Variants in GRK5 observed in about 807,000 individuals in gnomAD.
The protein encoded by GRK5 is g protein-coupled receptor kinase GRK5.
A neutral mutation model predicts 78.4 loss-of-function variants in GRK5; 40 were observed. The observed-to-expected ratio is 0.51, with a 90% CI of 0.40 to 0.66. GRK5 has a LOEUF of 0.66. GRK5 is among the 30% of genes least tolerant of loss of function. GRK5 has a pLI of 0.00. For synonymous variants in GRK5, 289 were observed against 296.8 expected (o/e 0.97, Z 0.27); for missense variants, 598 against 759.9 (o/e 0.79, Z 2.50).
At chr10:119,212,334 T>C (rs1368332797) in intron 1 of GRK5, among the ~76,000 whole-genome samples, 1 of 152,242 alleles carries the variant, frequency 6.6e-6, no homozygotes, top group South Asian at 2.1e-4. Flanking sequence ...CATCTTTCAG[T>C]AGCTTAGCTG....
chr10:119,451,411 G>C (rs1033369076), intron 13 of GRK5, among the ~76,000 whole-genome samples: 1 of 152,034 alleles, frequency 6.6e-6, no homozygotes, highest in African/African-American at 2.4e-5. Flanking sequence ...GGCCAGCTTC[G>C]TGAGCTTGAC....
intron 1 of GRK5, among the ~76,000 whole-genome samples, chr10:119,279,173 C>A (rs1849717573): frequency 6.6e-6 from 1 of 152,236 alleles, no homozygotes; most frequent in Admixed American, 6.5e-5. Flanking sequence ...AGCCACTGCG[C>A]CTGGCCCCTG....
At chr10:119,247,593 G>C (rs1009686925) in intron 1 of GRK5, among the ~76,000 whole-genome samples, 1 of 152,150 alleles carries the variant, frequency 6.6e-6, no homozygotes, top group South Asian at 2.1e-4. Context: ...AAAATCACTG[G>C]TGATGGTCAA....
intron 1 of GRK5, among the ~76,000 whole-genome samples, chr10:119,252,659 G>T (rs1481994097): frequency 6.6e-6 from 1 of 152,174 alleles, no homozygotes; most frequent in Non-Finnish European, 1.5e-5. Flanking sequence ...TTTTTCTCCT[G>T]ATTTGTAGAA....
intron 1 of GRK5, among the ~76,000 whole-genome samples, chr10:119,258,109 C>G (rs750978309): frequency 6.6e-6 from 1 of 152,180 alleles, no homozygotes; most frequent in Non-Finnish European, 1.5e-5. Flanking sequence ...CCCCCAGACT[C>G]CCTTGTAGTT....
At chr10:119,261,002 C>T (rs1849377339) in intron 1 of GRK5, among the ~76,000 whole-genome samples, 1 of 143,520 alleles carries the variant, frequency 7.0e-6, no homozygotes. Context: ...GCACCCCTCA[C>T]CTCCCGGACG....
intron 1 of GRK5, among the ~76,000 whole-genome samples, chr10:119,294,145 G>A (rs1850037258): frequency 1.3e-5 from 2 of 152,206 alleles, no homozygotes; most frequent in Admixed American, 1.3e-4. Flanking sequence ...CTGGATCTGG[G>A]TGAGAGGCAT....
chr10:119,257,427 A>G (rs1849307185), intron 1 of GRK5, among the ~76,000 whole-genome samples: 1 of 152,214 alleles, frequency 6.6e-6, no homozygotes, highest in African/African-American at 2.4e-5. Flanking sequence ...GTCTATTTCA[A>G]AAGTGCTGGG....
intron 2 of GRK5, 30 bp downstream of exon 2, chr10:119,326,641 G>A (rs930473712): frequency 2.6e-6 from 4 of 1,527,360 alleles, no homozygotes; most frequent in Non-Finnish European, 3.6e-6. Context: ...GGCTGTGCGG[G>A]GAGTGAGTAG....
intron 1 of GRK5, among the ~76,000 whole-genome samples, chr10:119,255,504 C>T (rs551948922): frequency 1.3e-5 from 2 of 152,160 alleles, no homozygotes; most frequent in East Asian, 3.8e-4. Flanking sequence ...GTGTGATTTT[C>T]ACTGGCGTGG....
chr10:119,399,605 C>T (rs908594468), intron 4 of GRK5, among the ~76,000 whole-genome samples: 4 of 152,234 alleles, frequency 2.6e-5, no homozygotes, highest in Non-Finnish European at 2.9e-5. Context: ...GTCAATTACA[C>T]GTGGGCAGCA....
At chr10:119,306,742 C>T (rs748058059) in intron 1 of GRK5, among the ~76,000 whole-genome samples, 2 of 152,128 alleles carry the variant, frequency 1.3e-5, no homozygotes, top group Non-Finnish European at 2.9e-5. Flanking sequence ...GCCGCTGCAC[C>T]TGCAGGTGTT....
chr10:119,283,431 CCTT>C (rs1189642281), intron 1 of GRK5, among the ~76,000 whole-genome samples: 1 of 152,204 alleles, frequency 6.6e-6, no homozygotes, highest in Non-Finnish European at 1.5e-5. Flanking sequence ...CCCTGCAAGT[CCTT>C]CTTCTAGGCT....
intron 1 of GRK5, among the ~76,000 whole-genome samples, chr10:119,216,615 C>T (rs1021724852): frequency 4.0e-5 from 6 of 151,812 alleles, no homozygotes; most frequent in African/African-American, 7.2e-5. Context: ...TCAAGACCAG[C>T]GTGGGCAGCA....
At chr10:119,408,487 T>C (rs1443637823) in intron 4 of GRK5, among the ~76,000 whole-genome samples, 1 of 152,034 alleles carries the variant, frequency 6.6e-6, no homozygotes, top group African/African-American at 2.4e-5. Context: ...GCAAAAGTGG[T>C]CTATCACTAC....
At chr10:119,211,817 C>G (rs1020357094) in intron 1 of GRK5, 2 of 152,254 alleles carry the variant, frequency 1.3e-5, no homozygotes, top group Non-Finnish European at 2.9e-5. Flanking sequence ...AGCCAGCATC[C>G]AGCTCTGCGT....
chr10:119,454,051 G>A (rs1014481779), intron 15 of GRK5, among the ~76,000 whole-genome samples: 2 of 152,184 alleles, frequency 1.3e-5, no homozygotes, highest in African/African-American at 4.8e-5. Context: ...AGCCTGGGAG[G>A]CTCCCTCACC....
intron 2 of GRK5, among the ~76,000 whole-genome samples, chr10:119,344,921 CCTTCCTTCCTTCCTTTT>C (rs1851058628): frequency 8.6e-5 from 12 of 139,248 alleles, no homozygotes; most frequent in Non-Finnish European, 1.9e-4. Context: ...TTCCTTCCTT[CCTTCCTTCCTTCCTTTT>C]CCTCCCTCCC....
Position 119,319,388 on chromosome 10 carries a change from C to T in GRK5, c.53-7128C>T, listed in dbSNP as rs183209449. 7.8e-4 allele frequency among the ~76,000 whole-genome samples: 119 copies of T among 152,348 alleles called. 1 individual carries two copies. The highest frequency in any genetic ancestry group is 3.9e-3 in the South Asian group (19 of 4,828). ...GTTTTGTCTTGGACTCCTTCCGATC[C>T]GAGGCCACCTTGGTCCTCTGGTGCC... On this transcript the variant is annotated intron_variant, in intron 1 of 15. Coordinates refer to ENST00000392870, the MANE Select transcript of GRK5 (RefSeq NM_005308.3).
Sources: gnomAD v4.1 joint callset for allele counts (sites outside exome capture counted in the v4.1 genomes callset) on GRCh38, gnomAD v4.1.1 for gene constraint, MANE v1.5 for transcripts, NCBI Gene and HGNC (gene_info 2026-07-23, HGNC 2026-07-21) for gene names.